The following AKAP6 variants were observed in gnomAD, a reference collection of about 807,000 sequenced individuals.
The protein encoded by AKAP6 is A-kinase anchoring protein 6.
Under a neutral mutation model 188.5 loss-of-function variants are expected in AKAP6, and 58 were observed. The observed-to-expected ratio is 0.31, with a 90% CI of 0.25 to 0.38. AKAP6 has a LOEUF of 0.38. Ranked by LOEUF, AKAP6 falls within the 10% of genes least tolerant of loss-of-function variation. The pLI is 1.00. For synonymous variants in AKAP6, 989 were observed against 998.6 expected (o/e 0.99, Z 0.18); for missense variants, 2,710 against 2,740.0 (o/e 0.99, Z 0.24).
intron 2 of AKAP6, chr14:32,495,322 G>C (rs369167389): frequency 1.3e-5 from 2 of 152,224 alleles, no homozygotes; most frequent in Non-Finnish European, 2.9e-5. Context: ...TGACAGAAGC[G>C]AATGGCTTGG....
At chr14:32,647,957 T>C (rs1027823700) in intron 7 of AKAP6, among the ~76,000 whole-genome samples, 5 of 152,060 alleles carry the variant, frequency 3.3e-5, no homozygotes, top group Admixed American at 6.6e-5. Flanking sequence ...CATTAAGCAA[T>C]ATAAAAAATG....
At chr14:32,687,366 C>A (rs1420729801) in intron 8 of AKAP6, among the ~76,000 whole-genome samples, 1 of 150,680 alleles carries the variant, frequency 6.6e-6, no homozygotes, top group African/African-American at 2.4e-5. Flanking sequence ...TGTTGAGCAG[C>A]ATGCCAAAAT....
chr14:32,636,330 G>A (rs1031736030), intron 7 of AKAP6, among the ~76,000 whole-genome samples: 1 of 152,088 alleles, frequency 6.6e-6, no homozygotes, highest in African/African-American at 2.4e-5. Context: ...ATAATTTGTT[G>A]TACCGGAAAA....
Position 32,804,405 on chromosome 14 carries a change from G to A in AKAP6, c.3589-16997G>A, listed in dbSNP as rs557141883. 6.4e-4 allele frequency among the ~76,000 whole-genome samples: 97 copies of A among 152,216 alleles called. 1 individual carries two copies. Among genetic ancestry groups the A allele is most frequent in the Non-Finnish European group, 1.1e-3 (76 of 67,970 alleles). On this transcript the variant is annotated intron_variant, in intron 12 of 13. Coordinates refer to ENST00000280979, the MANE Select transcript of AKAP6 (RefSeq NM_004274.5). ...TGACATCACATATTGGTAGGACCACGAAGCCCGCCTGAGTCTCAGACCAGC... is the reference window on the plus strand; with the variant it reads ...TGACATCACATATTGGTAGGACCACAAAGCCCGCCTGAGTCTCAGACCAGC...
chr14:32,595,510 T>A (rs1885657291), intron 5 of AKAP6, among the ~76,000 whole-genome samples: 1 of 150,106 alleles, frequency 6.7e-6, no homozygotes, highest in Non-Finnish European at 1.5e-5. Flanking sequence ...ATCTTGTTTG[T>A]ATTTTATTTT....
intron 2 of AKAP6, among the ~76,000 whole-genome samples, chr14:32,518,595 G>T (rs1235249306): frequency 6.6e-6 from 1 of 152,198 alleles, no homozygotes; most frequent in African/African-American, 2.4e-5. Flanking sequence ...AAGGGTATCA[G>T]TGATTGAAGA....
intron 12 of AKAP6, among the ~76,000 whole-genome samples, chr14:32,785,807 T>C (rs1256135577): frequency 6.6e-6 from 1 of 152,164 alleles, no homozygotes; most frequent in Non-Finnish European, 1.5e-5. Flanking sequence ...ATGCTATACT[T>C]ATTTGGACAT....
rs530734410 is a variant in AKAP6 at position 32,830,235 on chromosome 14, T to C, written c.*430T>C. ...CCCCACCAGTACTTGACCAATTTCA[T>C]GTATCAATCTGGATTTTTTTTTAAC... On this transcript the variant is annotated 3_prime_UTR_variant, in exon 14 of 14. Transcript: ENST00000280979. 2.4e-4 allele frequency: 88 copies of C among 363,500 alleles called. 1 individual carries two copies. In the South Asian group the frequency reaches 7.0e-3, roughly 29 times the overall value. The allele number at this position is 363,500 out of a possible 1,614,324, so 22.5% of individuals were successfully genotyped here. A position where few individuals can be genotyped will look rare whatever the true frequency, so the allele number is the denominator to read the frequency against.
intron 11 of AKAP6, among the ~76,000 whole-genome samples, chr14:32,741,198 C>T (rs926874254): frequency 6.6e-6 from 1 of 151,794 alleles, no homozygotes; most frequent in African/African-American, 2.4e-5. Context: ...CATATAGAAA[C>T]GCTACTGATT....
At chr14:32,703,189 AG>A (rs1462209400) in intron 9 of AKAP6, among the ~76,000 whole-genome samples, 1 of 151,884 alleles carries the variant, frequency 6.6e-6, no homozygotes, top group Non-Finnish European at 1.5e-5. Context: ...AGGCGGGGAG[AG>A]GGGGGCTTGG....
At chr14:32,540,131 G>GCTCTCTCTCTCTCTCTCTCTCTCT (rs1216788649) in intron 3 of AKAP6, among the ~76,000 whole-genome samples, 3 of 66,480 alleles carry the variant, frequency 4.5e-5, no homozygotes, top group African/African-American at 2.6e-4. Context: ...TTGCTCGTGC[G>GCTCTCTCTCTCTCTCTCTCTCTCT]CTCTCTCTCT....
intron 7 of AKAP6, among the ~76,000 whole-genome samples, chr14:32,627,374 A>G (rs1426731192): frequency 5.3e-5 from 8 of 152,230 alleles, no homozygotes; most frequent in Admixed American, 2.0e-4. Flanking sequence ...GTGGAAATTA[A>G]TCAATATATG....
intron 1 of AKAP6, among the ~76,000 whole-genome samples, chr14:32,409,253 G>A (rs960048113): frequency 1.3e-5 from 2 of 152,052 alleles, no homozygotes; most frequent in Admixed American, 6.6e-5. Flanking sequence ...CATACAAGAT[G>A]CCCTTCACTT....
chr14:32,593,405 G>A (rs897217442), intron 5 of AKAP6, among the ~76,000 whole-genome samples: 14 of 152,262 alleles, frequency 9.2e-5, no homozygotes, highest in Non-Finnish European at 1.8e-4. Context: ...GCAGTGGGAA[G>A]CTTACACTGC....
chr14:32,509,375 A>G (rs1881056044), intron 2 of AKAP6, among the ~76,000 whole-genome samples: 1 of 151,724 alleles, frequency 6.6e-6, no homozygotes, highest in African/African-American at 2.4e-5. Flanking sequence ...CAATCTGCCC[A>G]CCTTGGCTTG....
intron 9 of AKAP6, among the ~76,000 whole-genome samples, chr14:32,716,778 A>G (rs909828774): frequency 1.3e-5 from 2 of 151,668 alleles, no homozygotes; most frequent in Non-Finnish European, 2.9e-5. Context: ...TCTAATAACA[A>G]TAGTTACAAT....
intron 2 of AKAP6, among the ~76,000 whole-genome samples, chr14:32,459,258 A>G (rs1373531417): frequency 6.6e-6 from 1 of 151,872 alleles, no homozygotes; most frequent in Non-Finnish European, 1.5e-5. Context: ...AATTGACTGC[A>G]AAGGGGCATG....
intron 1 of AKAP6, among the ~76,000 whole-genome samples, chr14:32,416,995 T>G (rs1181313947): frequency 1.3e-5 from 2 of 152,134 alleles, no homozygotes; most frequent in Non-Finnish European, 1.5e-5. Flanking sequence ...CATGTGCCAC[T>G]GCAACCAGAT....
chr14:32,653,612 T>G (rs920416683), intron 7 of AKAP6, among the ~76,000 whole-genome samples: 2 of 149,294 alleles, frequency 1.3e-5, no homozygotes, highest in Admixed American at 1.4e-4. Context: ...AATCCTCTTT[T>G]CTTTATTAAT....
Sources: gnomAD v4.1 joint callset for allele counts (sites outside exome capture counted in the v4.1 genomes callset) on GRCh38, gnomAD v4.1.1 for gene constraint, MANE v1.5 for transcripts, NCBI Gene and HGNC (gene_info 2026-07-23, HGNC 2026-07-21) for gene names.